GUCD1: variants seen among roughly 807,000 people sequenced by gnomAD.
GUCD1 encodes the protein guanylyl cyclase domain containing 1.
In GUCD1, 17 loss-of-function variants were observed where a neutral mutation model predicts 28.3. The observed-to-expected ratio is 0.60, with a 90% CI of 0.41 to 0.90. The LOEUF is 0.90. GUCD1 is among the 40% of genes least tolerant of loss of function. The pLI is 0.00. For synonymous variants in GUCD1, 129 were observed against 123.3 expected (o/e 1.05, Z -0.30); for missense variants, 279 against 305.5 (o/e 0.91, Z 0.65).
At chr22:24,547,135 C>A (rs1157916652) in intron 3 of GUCD1, 130 bp from the exon 4 acceptor site, 5 of 699,870 alleles carry the variant, frequency 7.1e-6, no homozygotes, top group Non-Finnish European at 1.3e-5. Context: ...CCTGCCAGGG[C>A]AGACGGTACA....
At chr22:24,543,745 G>T in intron 5 of GUCD1, 97 bp downstream of exon 5, 1 of 1,473,138 alleles carries the variant, frequency 6.8e-7, no homozygotes, top group Non-Finnish European at 9.3e-7. Flanking sequence ...GGGAGGCCCT[G>T]GCCACACTAG....
At chr22:24,547,700 T>C in intron 3 of GUCD1, 1 of 561,792 alleles carries the variant, frequency 1.8e-6, no homozygotes, top group Non-Finnish European at 3.2e-6. Flanking sequence ...TCAGATCCTC[T>C]GGGCAGGCCC....
chr22:24,544,029 G>A lies in GUCD1; in HGVS notation c.441C>T (p.Ile147=), dbSNP rs753565838. The part of the protein sequence containing the change: ...QAHLAQGHVA[I]VLVNSGVLHC... ...GCAGCACCCCCGAGTTCACCAGCAC[G>A]ATGGCCACATGGCCCTGAGCCAGGT... Residue 147 remains isoleucine (I), a synonymous_variant, in exon 5 of 6, where the codon ATC becomes ATT. Transcript: ENST00000435822. 60 of 1,613,790 alleles carry A rather than the reference G, an allele frequency of 3.7e-5. No individual in the cohort carries two copies. The highest frequency in any genetic ancestry group is 5.0e-5 in the Admixed American group (3 of 59,980).
At chr22:24,555,340 G>T, upstream of GUCD1, 1 of 1,378,878 alleles carries the variant, frequency 7.3e-7, no homozygotes, top group Non-Finnish European at 9.4e-7. Flanking sequence ...ACCAGGACGC[G>T]GGCCCCGGAA....
At chr22:24,554,315 C>T (rs1037753117) in intron 1 of GUCD1, among the ~76,000 whole-genome samples, 2 of 152,214 alleles carry the variant, frequency 1.3e-5, no homozygotes, top group Middle Eastern at 3.2e-3. Context: ...CAAAAGGGAA[C>T]ACTCCCTGGG....
At chr22:24,547,792 T>G (rs1390191693) in intron 3 of GUCD1, 116 bp downstream of exon 3, 1 of 1,065,438 alleles carries the variant, frequency 9.4e-7, no homozygotes, top group African/African-American at 1.6e-5. Context: ...TCTGCACACC[T>G]GGGTATCTAC....
rs917076117 is a variant in GUCD1 at position 24,548,041 on chromosome 22, T to C, written c.161A>G (p.Glu54Gly). ...YLGQLDDSEF[E>G]RALQKLQLTR... ...CAGCTGCAGCTTCTGCAGGGCTCTC[T>C]CAAACTCACTGTCGTCCAGCTGGCC... The change falls in exon 3 of 6, where the codon GAG becomes GGG. Residue 54 changes from glutamate (E) to glycine (G), a missense_variant. Glu to Gly is a moderately conservative substitution (Grantham distance 98). Coordinates refer to ENST00000435822, the MANE Select transcript of GUCD1 (RefSeq NM_001284254.2). 1.1e-5 allele frequency: 17 copies of C among 1,614,114 alleles called. No individual in the cohort carries two copies. Among genetic ancestry groups the C allele is most frequent in the Non-Finnish European group, 1.4e-5 (17 of 1,180,008 alleles).
intron 4 of GUCD1, among the ~76,000 whole-genome samples, chr22:24,545,829 G>A (rs1302110114): frequency 2.0e-5 from 3 of 151,910 alleles, no homozygotes; most frequent in Non-Finnish European, 4.4e-5. Flanking sequence ...CTAACCTCGT[G>A]ATCCGCCCGC....
At chr22:24,552,493 C>T (rs1203649174) in intron 1 of GUCD1, among the ~76,000 whole-genome samples, 1 of 151,846 alleles carries the variant, frequency 6.6e-6, no homozygotes, top group African/African-American at 2.4e-5. Flanking sequence ...TTTTTTAGGC[C>T]GTGCACAGTG....
chr22:24,551,872 TGCA>T (rs1271386465), intron 1 of GUCD1, among the ~76,000 whole-genome samples: 25 of 152,226 alleles, frequency 1.6e-4, no homozygotes, highest in Admixed American at 1.5e-3. Flanking sequence ...AAGAAATGGG[TGCA>T]GAAGATATCC....
intron 2 of GUCD1, among the ~76,000 whole-genome samples, chr22:24,548,427 T>G (rs901158260): frequency 3.9e-5 from 6 of 152,256 alleles, no homozygotes; most frequent in Non-Finnish European, 1.5e-5. Context: ...TGTTGAATTT[T>G]CTCTTGCTGA....
chr22:24,552,535 G>A (rs2044905002), intron 1 of GUCD1, among the ~76,000 whole-genome samples: 1 of 152,138 alleles, frequency 6.6e-6, no homozygotes, highest in African/African-American at 2.4e-5. Context: ...ACTTTGGGAG[G>A]CCAAGGCAGG....
chr22:24,555,126 G>T lies in GUCD1; in HGVS notation c.-135C>A. 7.7e-7 allele frequency: 1 copy of T among 1,304,860 alleles called. No individual in the cohort carries two copies. The highest frequency in any genetic ancestry group is 1.6e-5 in the African/African-American group (1 of 64,464). 80.8% of individuals were successfully genotyped at this position (1,304,860 alleles called of 1,614,324 possible). ...CGCCGCCGCTGCGGAGGAGAGAACG[G>T]GAGGCGGCGGCTGGGCCGCCCCAAG... On this transcript the variant is annotated 5_prime_UTR_variant, in exon 1 of 6. Coordinates refer to ENST00000435822, the MANE Select transcript of GUCD1 (RefSeq NM_001284254.2).
intron 1 of GUCD1, among the ~76,000 whole-genome samples, chr22:24,551,569 A>C (rs1324761066): frequency 6.6e-6 from 1 of 152,198 alleles, no homozygotes; most frequent in African/African-American, 2.4e-5. Flanking sequence ...AGGCATCTGC[A>C]CGTGAGGATC....
In GUCD1 at chr22:24,542,266, C is replaced by T. The variant is rs1447314893; in HGVS notation, c.*740G>A. 1.3e-5 allele frequency: 2 copies of T among 152,258 alleles called. No individual in the cohort carries two copies. Among genetic ancestry groups the T allele is most frequent in the African/African-American group, 2.4e-5 (1 of 41,458 alleles). The allele number at this position is 152,258 out of a possible 1,614,324, so 9.4% of individuals were successfully genotyped here. ...CTGGGGCTAGGGCAGCTGTTTATTC[C>T]CAGAGCACTGCTGCCAGCCACGAGG... On this transcript the variant is annotated 3_prime_UTR_variant, in exon 6 of 6. Transcript: ENST00000435822.
At chr22:24,545,067 G>A (rs2044691964) in intron 4 of GUCD1, among the ~76,000 whole-genome samples, 1 of 151,864 alleles carries the variant, frequency 6.6e-6, no homozygotes, top group Non-Finnish European at 1.5e-5. Flanking sequence ...CAGAGGGACA[G>A]AGGGCAGATG....
In GUCD1 at chr22:24,543,055, G is replaced by T; in HGVS notation, c.671C>A (p.Thr224Asn). The change falls in exon 6 of 6, where the codon ACC becomes AAC. Residue 224 changes from threonine to asparagine, a missense_variant. By Grantham distance (65) the Thr-to-Asn change is moderately conservative (BLOSUM62 0). Coordinates refer to ENST00000435822, the MANE Select transcript of GUCD1 (RefSeq NM_001284254.2). ...GATGTCCTCATCTGTGCCATAGCTG[G>T]TTCTGGCCTCCTCAAAGTTACTGAT... ...TSISNFEEAR[T>N]SYGTDEDILF... The T allele has an allele frequency of 6.2e-7, 1 of 1,614,062 alleles. No homozygotes were observed. Among genetic ancestry groups the T allele is most frequent in the Non-Finnish European group, 8.5e-7 (1 of 1,179,928 alleles).
In GUCD1 at chr22:24,541,741, T is replaced by C. The variant is rs1242935626; in HGVS notation, c.*1265A>G. 6.6e-6 allele frequency: 1 copy of C among 152,060 alleles called. No individual in the cohort carries two copies. The highest frequency in any genetic ancestry group is 2.4e-5 in the African/African-American group (1 of 41,412). 9.4% of individuals were successfully genotyped at this position (152,060 alleles called of 1,614,324 possible). ...TCCCAAGACTGGGCCAGCTGCCTCG[T>C]CAGCTGCCTCGTCTGAGAGGTGAAG... On this transcript the variant is annotated 3_prime_UTR_variant, in exon 6 of 6. Transcript: ENST00000435822.
chr22:24,547,614 GA>G (rs1192612775), intron 3 of GUCD1: 4 of 369,192 alleles, frequency 1.1e-5, no homozygotes, highest in South Asian at 3.9e-5. Context: ...AGGACAGTAG[GA>G]AAGAACGTAG....
Sources: gnomAD v4.1 joint callset for allele counts (sites outside exome capture counted in the v4.1 genomes callset) on GRCh38, gnomAD v4.1.1 for gene constraint, MANE v1.5 for transcripts, NCBI Gene and HGNC (gene_info 2026-07-23, HGNC 2026-07-21) for gene names.